Variants in FOCAD observed in about 807,000 individuals in gnomAD.
FOCAD encodes the protein KIAA1797.
In FOCAD, 198 loss-of-function variants were observed where a neutral mutation model predicts 225.6. The ratio of observed to expected loss-of-function variants is 0.88; its 90% CI spans 0.78 to 0.99. FOCAD has a LOEUF of 0.99. FOCAD is among the 50% of genes least tolerant of loss of function. The pLI is 0.00. For missense variants in FOCAD, 2,713 were observed against 2,123.6 expected (o/e 1.28, Z -5.46); for synonymous variants, 897 against 755.0 (o/e 1.19, Z -3.08).
At chr9:20,771,619 G>T (rs904552650) in intron 8 of FOCAD, among the ~76,000 whole-genome samples, 1 of 152,150 alleles carries the variant, frequency 6.6e-6, no homozygotes, top group Non-Finnish European at 1.5e-5. Context: ...AATTAGCTGG[G>T]TGTGGTGTTG....
At chr9:20,821,128 T>G (rs929179964) in intron 14 of FOCAD, 57 bp downstream of exon 14, 1 of 1,509,982 alleles carries the variant, frequency 6.6e-7, no homozygotes, top group Non-Finnish European at 8.9e-7. Context: ...TTGTATTTAA[T>G]TTTTTAATTG....
intron 22 of FOCAD, 148 bp from the exon 23 acceptor site, chr9:20,912,718 C>G: frequency 1.7e-6 from 1 of 583,954 alleles, no homozygotes; most frequent in Non-Finnish European, 3.1e-6. Context: ...GTGATGATTT[C>G]TCCTCACACA....
At chr9:20,853,113 A>G (rs1827831313) in intron 15 of FOCAD, among the ~76,000 whole-genome samples, 1 of 151,778 alleles carries the variant, frequency 6.6e-6, no homozygotes, top group Non-Finnish European at 1.5e-5. Context: ...GTCCACCAAA[A>G]AATAGATAAC....
In FOCAD at chr9:20,759,543, C is replaced by A. The variant is rs921479929; in HGVS notation, c.494+1352C>A. On this transcript the variant is annotated intron_variant, in intron 6 of 43. Coordinates refer to ENST00000338382, the MANE Select transcript of FOCAD (RefSeq NM_001375567.1). Reference sequence around the variant, plus strand: ...GCTGAAACTGGATCCCTTCCTTACACCTTATACAAAACTTAATTCAAGATG... The same window carrying A: ...GCTGAAACTGGATCCCTTCCTTACAACTTATACAAAACTTAATTCAAGATG... 2.0e-5 allele frequency among the ~76,000 whole-genome samples: 3 copies of A among 152,154 alleles called. No homozygotes were observed. In the South Asian group the frequency reaches 6.2e-4, roughly 32 times the overall value.
In FOCAD at chr9:20,944,637, A is replaced by G. The variant is rs144863468; in HGVS notation, c.3418A>G (p.Ile1140Val). The G allele has an allele frequency of 4.6e-5, 74 of 1,613,376 alleles. No individual in the cohort carries two copies. The highest frequency in any genetic ancestry group is 5.9e-5 in the Non-Finnish European group (70 of 1,179,594). The change falls in exon 29 of 44, where the codon ATA (isoleucine) becomes GTA (valine). Residue 1140 changes from isoleucine to valine, a missense_variant. By Grantham distance (29) the Ile-to-Val change is conservative. Coordinates refer to ENST00000338382, the MANE Select transcript of FOCAD (RefSeq NM_001375567.1). ...DTSLEYNTGC[I>V]LGVGLVLSLM... Reference sequence around the variant, plus strand: ...TTTTTGGCTTCCAAGCACGGGCTGTATATTGGGAGTTGGACTTGTTCTGTC... The same window carrying G: ...TTTTTGGCTTCCAAGCACGGGCTGTGTATTGGGAGTTGGACTTGTTCTGTC...
intron 11 of FOCAD, among the ~76,000 whole-genome samples, chr9:20,796,240 G>A (rs1188915960): frequency 1.3e-5 from 2 of 152,146 alleles, no homozygotes; most frequent in Non-Finnish European, 2.9e-5. Context: ...TTGGTTCCAA[G>A]TCTTTGCTGT....
At chr9:20,783,468 T>C (rs1819607889) in intron 10 of FOCAD, among the ~76,000 whole-genome samples, 1 of 152,170 alleles carries the variant, frequency 6.6e-6, no homozygotes, top group African/African-American at 2.4e-5. Flanking sequence ...AGTCTCTTCC[T>C]GAATCTTTGC....
chr9:20,971,607 T>G (rs113111535), intron 35 of FOCAD, among the ~76,000 whole-genome samples: 6 of 151,992 alleles, frequency 3.9e-5, no homozygotes, highest in Non-Finnish European at 8.8e-5. Flanking sequence ...GCCCAGCTAA[T>G]TTTTTGTATT....
chr9:20,748,010 C>T (rs1300128417), intron 5 of FOCAD, among the ~76,000 whole-genome samples: 1 of 151,806 alleles, frequency 6.6e-6, no homozygotes, highest in African/African-American at 2.4e-5. Context: ...CGACGATCAG[C>T]TATTATCTTA....
chr9:20,926,349 GA>G lies in FOCAD; in HGVS notation c.3011del (p.Asp1004ValfsTer63). 6.2e-7 allele frequency: 1 copy of G among 1,613,616 alleles called. No homozygotes were observed. Among genetic ancestry groups the G allele is most frequent in the Non-Finnish European group, 8.5e-7 (1 of 1,179,702 alleles). Reference sequence around the variant, plus strand: ...GAAAGAGTGGGTTTCCATGGTACTTGATACACTCTTGGTCATTGTGGATAGC... The same window carrying G: ...GAAAGAGTGGGTTTCCATGGTACTTGTACACTCTTGGTCATTGTGGATAGC... ...SMKEWVSMVL[D>X]TLLVIVDSHY... On this transcript the variant is annotated frameshift_variant, in exon 26 of 44. Transcript: ENST00000338382. LOFTEE classifies it high-confidence loss of function.
At chr9:20,661,452 A>G (rs1311746012) in intron 2 of FOCAD, among the ~76,000 whole-genome samples, 1 of 152,124 alleles carries the variant, frequency 6.6e-6, no homozygotes, top group Non-Finnish European at 1.5e-5. Context: ...GAGTGGGGAA[A>G]GGGAGGTGTT....
chr9:20,747,280 T>C (rs995087430), intron 5 of FOCAD, among the ~76,000 whole-genome samples: 2 of 152,148 alleles, frequency 1.3e-5, no homozygotes, highest in African/African-American at 4.8e-5. Flanking sequence ...ATTAAGGAGA[T>C]ATATCAGATT....
chr9:20,745,173 A>G (rs527444204), intron 5 of FOCAD, among the ~76,000 whole-genome samples: 16 of 151,196 alleles, frequency 1.1e-4, no homozygotes, highest in Admixed American at 2.6e-4. Flanking sequence ...GCAGTGGTGC[A>G]GTCTTGGCTC....
chr9:20,983,183 C>CT (rs1321499954), intron 39 of FOCAD, among the ~76,000 whole-genome samples: 1 of 152,180 alleles, frequency 6.6e-6, no homozygotes, highest in Non-Finnish European at 1.5e-5. Flanking sequence ...TCTAGGCCTA[C>CT]TGAATCAGAA....
chr9:20,846,799 A>G (rs914774914), intron 15 of FOCAD, among the ~76,000 whole-genome samples: 2 of 152,156 alleles, frequency 1.3e-5, no homozygotes, highest in Non-Finnish European at 1.5e-5. Flanking sequence ...GAGTTAATGT[A>G]ACAGAATGTA....
chr9:20,704,641 C>T (rs1408188418), intron 1 of FOCAD, among the ~76,000 whole-genome samples: 2 of 152,010 alleles, frequency 1.3e-5, no homozygotes, highest in Non-Finnish European at 2.9e-5. Flanking sequence ...TTACATTGGC[C>T]CCTTTTCAAT....
intron 37 of FOCAD, among the ~76,000 whole-genome samples, chr9:20,979,729 T>C (rs1009526394): frequency 5.9e-5 from 9 of 152,222 alleles, no homozygotes; most frequent in African/African-American, 1.9e-4. Flanking sequence ...CTGTCAGGTA[T>C]TAACTTCATT....
intron 5 of FOCAD, among the ~76,000 whole-genome samples, chr9:20,742,903 A>T (rs1187351408): frequency 6.6e-6 from 1 of 152,244 alleles, no homozygotes; most frequent in Non-Finnish European, 1.5e-5. Context: ...TCCGTAATCA[A>T]TCACCTGAGT....
At chr9:20,980,685 A>G (rs1476821179) in intron 37 of FOCAD, among the ~76,000 whole-genome samples, 1 of 152,176 alleles carries the variant, frequency 6.6e-6, no homozygotes, top group Non-Finnish European at 1.5e-5. Flanking sequence ...AAAATAGCAC[A>G]CAAAAAAGTT....
Sources: gnomAD v4.1 joint callset for allele counts (sites outside exome capture counted in the v4.1 genomes callset) on GRCh38, gnomAD v4.1.1 for gene constraint, MANE v1.5 for transcripts, NCBI Gene and HGNC (gene_info 2026-07-23, HGNC 2026-07-21) for gene names.